The following PLAGL1 variants were observed in gnomAD, a reference collection of about 807,000 sequenced individuals.
The protein encoded by PLAGL1 is zinc finger protein PLAGL1.
A neutral mutation model predicts 4.6 loss-of-function variants in PLAGL1; 1 was observed. That is an observed-to-expected ratio of 0.22 (90% confidence interval 0.08 to 1.03). The LOEUF (loss-of-function observed/expected upper bound fraction) is 1.03. Ranked by LOEUF, PLAGL1 falls within the 50% of genes least tolerant of loss-of-function variation. The pLI is 0.58. For synonymous variants in PLAGL1, 240 were observed against 237.8 expected (o/e 1.01, Z -0.08); for missense variants, 464 against 570.4 (o/e 0.81, Z 1.90).
At chr6:144,052,491 G>A (rs532320934) in intron 1 of PLAGL1, among the ~76,000 whole-genome samples, 23 of 152,232 alleles carry the variant, frequency 1.5e-4, no homozygotes, top group Non-Finnish European at 2.9e-4. Context: ...CATGGGGCAG[G>A]GACTCTATCT....
rs1785305824 is a variant in PLAGL1, at chr6:143,970,966, A to C, written c.-543-1988T>G. ...GCTGAAACATCAAATGGAAAAGTGC[A>C]GTTTGATTTCCTACATTTCCCTCCA... On this transcript the variant is annotated intron_variant, in intron 2 of 7. Transcript: ENST00000674357. The surrounding 1 kb of genome is among the most constrained non-coding windows in gnomAD (Gnocchi z 5.8). Among the ~76,000 whole-genome samples, 1 of 152,182 alleles carries C rather than the reference A, an allele frequency of 6.6e-6. No homozygotes were observed. Among genetic ancestry groups the C allele is most frequent in the Non-Finnish European group, 1.5e-5 (1 of 68,014 alleles).
At chr6:144,032,050 C>CT (rs1344492382) in intron 1 of PLAGL1, among the ~76,000 whole-genome samples, 1 of 151,412 alleles carries the variant, frequency 6.6e-6, no homozygotes, top group Non-Finnish European at 1.5e-5. Flanking sequence ...ACCTTTTCCC[C>CT]TTTACCTATT....
At chr6:143,991,912 A>T (rs1257544807) in intron 1 of PLAGL1, among the ~76,000 whole-genome samples, 1 of 152,198 alleles carries the variant, frequency 6.6e-6, no homozygotes, top group South Asian at 2.1e-4. Context: ...ATCCCAGAAC[A>T]TTAAGAGAAG....
Position 143,963,220 on chromosome 6 carries a change from A to AGGTTACAAG in PLAGL1, c.-399+1566_-399+1567insCTTGTAACC, listed in dbSNP as rs1305796490. Among the ~76,000 whole-genome samples the AGGTTACAAG allele has an allele frequency of 6.6e-6, 1 of 152,160 alleles. No individual in the cohort carries two copies. The highest frequency in any genetic ancestry group is 1.9e-4 in the East Asian group (1 of 5,194). On this transcript the variant is annotated intron_variant, in intron 5 of 7. Coordinates refer to ENST00000674357, the MANE Select transcript of PLAGL1 (RefSeq NM_001317162.2). This position sits in a 1 kb window ranked among gnomAD's most constrained non-coding sequence, Gnocchi z 6.1. Reference sequence around the variant, plus strand: ...CCTGGGGGACCCCATGCACAACCCAAGGTTACAATTACTCCTTGAAGTCAG... The same window carrying AGGTTACAAG: ...CCTGGGGGACCCCATGCACAACCCAAGGTTACAAGGGTTACAATTACTCCTTGAAGTCAG...
intron 7 of PLAGL1, among the ~76,000 whole-genome samples, chr6:143,943,522 C>T (rs1317081656): frequency 1.3e-5 from 2 of 151,802 alleles, no homozygotes; most frequent in East Asian, 1.9e-4. Context: ...CTCTGCCTGC[C>T]GTGAGATCTC....
At position 143,964,913 on chromosome 6, in the gene PLAGL1, C is replaced by G. The variant is rs537321832; in HGVS notation, c.-430-95G>C. The stretch of plus-strand genomic sequence containing the variant: ...CAAAAACACCCAAGTGGGGGGGGAA[C>G]GGAAGTCTACTTGGAAGAGGAAAGA... On this transcript the variant is annotated intron_variant, in intron 4 of 7. Transcript: ENST00000674357. This position sits in a 1 kb window ranked among gnomAD's most constrained non-coding sequence, Gnocchi z 4.3. 6.6e-6 allele frequency: 1 copy of G among 152,178 alleles called. No homozygotes were observed. Among genetic ancestry groups the G allele is most frequent in the Non-Finnish European group, 1.5e-5 (1 of 68,048 alleles). The allele number at this position is 152,178 out of a possible 1,614,324, so 9.4% of individuals were successfully genotyped here.
intron 1 of PLAGL1, among the ~76,000 whole-genome samples, chr6:143,998,205 A>T (rs1376848514): frequency 6.6e-6 from 1 of 152,234 alleles, no homozygotes. Context: ...GTTAATCCAT[A>T]GCAACTATCA....
rs1779458350 is a variant in PLAGL1, at chr6:143,945,007, A to G, written c.153-2344T>C. On this transcript the variant is annotated intron_variant, in intron 7 of 7. Coordinates refer to ENST00000674357, the MANE Select transcript of PLAGL1 (RefSeq NM_001317162.2). This position sits in a 1 kb window ranked among gnomAD's most constrained non-coding sequence, Gnocchi z 4.2. ...CTACCTGTAAGTGGGGCACAGTCTGACACCCCAGTAGTACTTGAGCAAGAC... is the reference window on the plus strand; with the variant it reads ...CTACCTGTAAGTGGGGCACAGTCTGGCACCCCAGTAGTACTTGAGCAAGAC... 6.6e-6 allele frequency among the ~76,000 whole-genome samples: 1 copy of G among 152,108 alleles called. No individual in the cohort carries two copies. The highest frequency in any genetic ancestry group is 2.4e-5 in the African/African-American group (1 of 41,398).
intron 1 of PLAGL1, among the ~76,000 whole-genome samples, chr6:144,058,748 A>T (rs1799172527): frequency 6.6e-6 from 1 of 152,066 alleles, no homozygotes; most frequent in Non-Finnish European, 1.5e-5. Context: ...AAAGCTCGGA[A>T]ATTATCTTTT....
chr6:144,015,965 A>G lies in PLAGL1; in HGVS notation c.-150-46987T>C, dbSNP rs1795535830. ...TCTCTCCAAACTGAAAACAACTCAA[A>G]TATCAGTAATAAAATGGGCAAACTG... On this transcript the variant is annotated intron_variant, in intron 1 of 3. Transcript: ENST00000437412. This position sits in a 1 kb window ranked among gnomAD's most constrained non-coding sequence, Gnocchi z 4.3. Among the ~76,000 whole-genome samples the G allele has an allele frequency of 6.6e-6, 1 of 152,200 alleles. No individual in the cohort carries two copies.
intron 1 of PLAGL1, among the ~76,000 whole-genome samples, chr6:144,029,409 G>A (rs1796629177): frequency 6.6e-6 from 1 of 152,112 alleles, no homozygotes; most frequent in Non-Finnish European, 1.5e-5. Context: ...TCACAATAAA[G>A]GGCTAATTTC....
chr6:144,053,795 G>A lies in PLAGL1; in HGVS notation c.-151+10673C>T, dbSNP rs1050842711. ...GCCCAGTGAACATAGTTATAACCTC[G>A]AGATCCTTATCAGCACATCCTTCTA... On this transcript the variant is annotated intron_variant, in intron 1 of 3. Coordinates refer to the PLAGL1 transcript ENST00000437412. This position sits in a 1 kb window ranked among gnomAD's most constrained non-coding sequence, Gnocchi z 4.0. 2.1e-4 allele frequency among the ~76,000 whole-genome samples: 32 copies of A among 152,180 alleles called. No homozygotes were observed. The highest frequency in any genetic ancestry group is 2.6e-4 in the Admixed American group (4 of 15,284).
chr6:143,986,263 T>C (rs1368444043), intron 1 of PLAGL1, among the ~76,000 whole-genome samples: 2 of 151,974 alleles, frequency 1.3e-5, no homozygotes, highest in Non-Finnish European at 2.9e-5. Flanking sequence ...ATTGGTAAGC[T>C]TCATTTTAAC....
Position 143,963,638 on chromosome 6 carries a change from G to A in PLAGL1, c.-399+1149C>T, listed in dbSNP as rs1050354983. On this transcript the variant is annotated intron_variant, in intron 5 of 7. Coordinates refer to ENST00000674357, the MANE Select transcript of PLAGL1 (RefSeq NM_001317162.2). The surrounding 1 kb of genome is among the most constrained non-coding windows in gnomAD (Gnocchi z 6.1). ...AAGCTTGCTGTAGAATCCAGGGTGC[G>A]TGTCAAAAGTCAACCTCTTCCCATG... Among the ~76,000 whole-genome samples the A allele has an allele frequency of 5.3e-5, 8 of 152,164 alleles. No individual in the cohort carries two copies. The highest frequency in any genetic ancestry group is 1.9e-4 in the African/African-American group (8 of 41,434).
intron 1 of PLAGL1, among the ~76,000 whole-genome samples, chr6:144,041,436 GGTTTT>G (rs1242237434): frequency 6.6e-6 from 1 of 151,778 alleles, no homozygotes; most frequent in Non-Finnish European, 1.5e-5. Context: ...TGCGGTGTTT[GGTTTT>G]TTGTCCCTGT....
chr6:144,042,012 C>T (rs1001584188), intron 1 of PLAGL1, among the ~76,000 whole-genome samples: 3 of 152,082 alleles, frequency 2.0e-5, no homozygotes, highest in South Asian at 2.1e-4. Flanking sequence ...TATCCTTTGC[C>T]CACTTTTTGA....
At chr6:143,969,857 G>C (rs1055474683) in intron 2 of PLAGL1, among the ~76,000 whole-genome samples, 1 of 151,874 alleles carries the variant, frequency 6.6e-6, no homozygotes, top group Non-Finnish European at 1.5e-5. Context: ...GAGGCCTGGA[G>C]AAAAGAATTT....
At chr6:144,060,767 C>T (rs1250286466) in intron 1 of PLAGL1, among the ~76,000 whole-genome samples, 3 of 152,194 alleles carry the variant, frequency 2.0e-5, no homozygotes, top group Non-Finnish European at 2.9e-5. Context: ...CCCTCATCTC[C>T]ATATAGATCC....
rs143224547 is a variant in PLAGL1 at position 143,985,953 on chromosome 6, C to CAT, written c.-583-781_-583-780dup. 0.02 allele frequency among the ~76,000 whole-genome samples: 2,366 copies of CAT among 120,236 alleles called. 88 individuals carry two copies. Among genetic ancestry groups the CAT allele is most frequent in the East Asian group, 0.16 (596 of 3,812 alleles). 78.9% of individuals were successfully genotyped at this position (120,236 alleles called of 152,430 possible). A position where few individuals can be genotyped will look rare whatever the true frequency, so the allele number is the denominator to read the frequency against. The stretch of plus-strand genomic sequence containing the variant: ...CATATATATAAAAGATATATATACA[C>CAT]ATATATATCAAATTATATATATATA... On this transcript the variant is annotated intron_variant, in intron 1 of 7. Coordinates refer to ENST00000674357, the MANE Select transcript of PLAGL1 (RefSeq NM_001317162.2). The surrounding 1 kb of genome is among the most constrained non-coding windows in gnomAD (Gnocchi z 4.4).
Sources: allele counts gnomAD v4.1 joint callset (sites outside exome capture counted in the v4.1 genomes callset), GRCh38; gene constraint gnomAD v4.1.1; non-coding constraint Gnocchi (gnomAD v3.1); transcripts MANE v1.5; gene names NCBI Gene and HGNC (gene_info 2026-07-23, HGNC 2026-07-21).